Variants in HECW1 observed in about 807,000 individuals in gnomAD.
The protein encoded by HECW1 is HECT, C2 and WW domain containing E3 ubiquitin protein ligase 1.
In HECW1, 61 loss-of-function variants were observed where a neutral mutation model predicts 182.3. That is an observed-to-expected ratio of 0.33 (90% CI 0.27 to 0.41). HECW1 has a LOEUF of 0.41. HECW1 is among the 10% of genes least tolerant of loss of function. The probability of loss-of-function intolerance (pLI) is 1.00; values close to 1 mark genes in which losing one functional copy is unlikely to be tolerated. For synonymous variants in HECW1, 859 were observed against 832.6 expected, an observed-to-expected ratio of 1.03 and a Z score of -0.55; for missense variants, 1,739 against 2,108.9, an observed-to-expected ratio of 0.82 and a Z score of 3.44.
chr7:43,146,833 G>A (rs1194023391), intron 2 of HECW1, among the ~76,000 whole-genome samples: 1 of 152,216 alleles, frequency 6.6e-6, no homozygotes, highest in African/African-American at 2.4e-5. Context: ...GACAGCTCAT[G>A]GCCCATTAGT....
At chr7:43,468,066 C>T (rs575167898) in intron 15 of HECW1, among the ~76,000 whole-genome samples, 1 of 152,108 alleles carries the variant, frequency 6.6e-6, no homozygotes, top group Non-Finnish European at 1.5e-5. Flanking sequence ...CCCCCGTCTA[C>T]ACGTGGTCTG....
At chr7:43,266,009 C>T (rs1014004301) in intron 3 of HECW1, among the ~76,000 whole-genome samples, 2 of 152,146 alleles carry the variant, frequency 1.3e-5, no homozygotes, top group Non-Finnish European at 2.9e-5. Context: ...CAGGTGTATT[C>T]ACCAGCTCGG....
At chr7:43,477,606 T>G (rs2078266943) in intron 16 of HECW1, among the ~76,000 whole-genome samples, 1 of 152,204 alleles carries the variant, frequency 6.6e-6, no homozygotes, top group South Asian at 2.1e-4. Flanking sequence ...CAATTGAACA[T>G]ACAGCCCTTT....
chr7:43,185,232 G>A (rs1191991235), intron 2 of HECW1, among the ~76,000 whole-genome samples: 1 of 152,116 alleles, frequency 6.6e-6, no homozygotes, highest in African/African-American at 2.4e-5. Context: ...AGAGGGCATG[G>A]AAAGTCCACT....
At chr7:43,496,260 C>T (rs80351477) in intron 19 of HECW1, among the ~76,000 whole-genome samples, 1 of 151,344 alleles carries the variant, frequency 6.6e-6, no homozygotes, top group Non-Finnish European at 1.5e-5. Flanking sequence ...GATGGAAGCA[C>T]TTATGGACTC....
chr7:43,551,131 C>T (rs1454205141), intron 27 of HECW1, among the ~76,000 whole-genome samples: 1 of 152,122 alleles, frequency 6.6e-6, no homozygotes, highest in African/African-American at 2.4e-5. Context: ...GGTCTTGGGT[C>T]GTGGAAGGCT....
intron 13 of HECW1, 58 bp downstream of exon 13, chr7:43,456,505 T>G (rs1244142249): frequency 1.0e-5 from 16 of 1,530,514 alleles, no homozygotes; most frequent in Non-Finnish European, 1.4e-5. Context: ...GAATGGCAGC[T>G]AGAGACGCTC....
intron 2 of HECW1, among the ~76,000 whole-genome samples, chr7:43,236,598 G>C (rs950173783): frequency 1.2e-4 from 18 of 152,184 alleles, no homozygotes; most frequent in African/African-American, 4.3e-4. Context: ...ACAGAAGATT[G>C]CATTCTTTTG....
At chr7:43,398,720 A>G (rs1286601498) in intron 7 of HECW1, among the ~76,000 whole-genome samples, 1 of 152,218 alleles carries the variant, frequency 6.6e-6, no homozygotes, top group Non-Finnish European at 1.5e-5. Context: ...GTAGAGAAAG[A>G]GTAATTCACA....
At chr7:43,450,707 C>A (rs2077206117) in intron 11 of HECW1, 121 bp from the exon 12 acceptor site, 1 of 666,874 alleles carries the variant, frequency 1.5e-6, no homozygotes. Flanking sequence ...CACACACACA[C>A]AAATGGATTT....
At chr7:43,172,775 T>C (rs1791821941) in intron 2 of HECW1, among the ~76,000 whole-genome samples, 1 of 152,184 alleles carries the variant, frequency 6.6e-6, no homozygotes, top group African/African-American at 2.4e-5. Flanking sequence ...TACCTGATAT[T>C]GAGAAATACT....
At chr7:43,446,818 G>C (rs574486214) in intron 11 of HECW1, among the ~76,000 whole-genome samples, 2 of 152,320 alleles carry the variant, frequency 1.3e-5, no homozygotes, top group South Asian at 4.1e-4. Context: ...GTACCCACAA[G>C]GAGCGGGATG....
At chr7:43,372,540 T>A (rs118127714) in intron 6 of HECW1, among the ~76,000 whole-genome samples, 16,421 of 152,104 alleles carry the variant, frequency 0.11, 1,051 homozygotes, top group Middle Eastern at 0.29. Flanking sequence ...TTCCTTTTTT[T>A]AGACTTGTTT....
At chr7:43,477,995 A>C (rs117363600) in intron 16 of HECW1, among the ~76,000 whole-genome samples, 2,371 of 151,880 alleles carry the variant, frequency 0.016, 29 homozygotes, top group Non-Finnish European at 0.026. Context: ...GTCTTATGGT[A>C]CAAAGGGTTT....
chr7:43,263,137 A>G (rs1262265738), intron 3 of HECW1, among the ~76,000 whole-genome samples: 2 of 152,214 alleles, frequency 1.3e-5, no homozygotes, highest in Non-Finnish European at 2.9e-5. Context: ...TCCACATTCT[A>G]AAGAGAGAAA....
intron 2 of HECW1, among the ~76,000 whole-genome samples, chr7:43,170,628 A>T (rs1212837736): frequency 2.0e-5 from 3 of 152,332 alleles, no homozygotes; most frequent in East Asian, 3.9e-4. Context: ...CAGGGGTTGC[A>T]TTTGAAAGGG....
intron 5 of HECW1, among the ~76,000 whole-genome samples, chr7:43,349,547 G>C (rs994580571): frequency 1.3e-5 from 2 of 152,142 alleles, no homozygotes; most frequent in African/African-American, 2.4e-5. Context: ...CCAGTGTTAG[G>C]TGCATGTATG....
chr7:43,137,469 T>A (rs1787670787), intron 2 of HECW1, among the ~76,000 whole-genome samples: 1 of 152,224 alleles, frequency 6.6e-6, no homozygotes, highest in Non-Finnish European at 1.5e-5. Context: ...TCTATATTTA[T>A]CCTCAGCTCT....
intron 2 of HECW1, among the ~76,000 whole-genome samples, chr7:43,216,756 G>A (rs968479350): frequency 6.6e-6 from 1 of 151,990 alleles, no homozygotes; most frequent in Non-Finnish European, 1.5e-5. Context: ...CCAGGTTCAA[G>A]TGATTCTCCT....
Sources: gnomAD v4.1 joint callset for allele counts (sites outside exome capture counted in the v4.1 genomes callset) on GRCh38, gnomAD v4.1.1 for gene constraint, MANE v1.5 for transcripts, NCBI Gene and HGNC (gene_info 2026-07-23, HGNC 2026-07-21) for gene names.